ATP2C2: variants seen among roughly 807,000 people sequenced by gnomAD.
ATP2C2 encodes the protein ATPase secretory pathway Ca2+ transporting 2, also known as calcium-transporting ATPase type 2C member 2.
Under a neutral mutation model 110.8 loss-of-function variants are expected in ATP2C2, and 171 were observed. The ratio of observed to expected loss-of-function variants is 1.54; its 90% confidence interval spans 1.36 to 1.75. ATP2C2 has a LOEUF of 1.75. Ranked by LOEUF, ATP2C2 falls within the 40% of genes most tolerant of loss-of-function variation. The pLI is 0.00. For synonymous variants in ATP2C2, 804 were observed against 508.4 expected, an observed-to-expected ratio of 1.58 and a Z score of -7.82; for missense variants, 1,963 against 1,235.0, an observed-to-expected ratio of 1.59 and a Z score of -8.84.
chr16:84,375,424 C>T (rs1271552957), intron 1 of ATP2C2, among the ~76,000 whole-genome samples: 1 of 151,972 alleles, frequency 6.6e-6, no homozygotes. Flanking sequence ...GCCTGTAATC[C>T]CATCTACTTG....
At chr16:84,452,681 T>G (rs1910401783) in intron 18 of ATP2C2, among the ~76,000 whole-genome samples, 1 of 152,034 alleles carries the variant, frequency 6.6e-6, no homozygotes, top group African/African-American at 2.4e-5. Context: ...TGTATTTTAG[T>G]AGAGACGGGG....
chr16:84,459,062 A>T (rs1910976324), intron 21 of ATP2C2, 58 bp from the exon 22 acceptor site: 8 of 1,584,892 alleles, frequency 5.0e-6, no homozygotes, highest in Non-Finnish European at 6.9e-6. Context: ...CAACCGATGC[A>T]CTGGTCCAGC....
At chr16:84,463,540 C>T in intron 26 of ATP2C2, 74 bp from the exon 27 acceptor site, 4 of 1,266,054 alleles carry the variant, frequency 3.2e-6, no homozygotes, top group African/African-American at 2.9e-5. Context: ...GGAGGACTGG[C>T]AGGGAAGGCG....
chr16:84,426,722 C>G (rs1036077044), intron 11 of ATP2C2, among the ~76,000 whole-genome samples: 2 of 152,188 alleles, frequency 1.3e-5, no homozygotes, highest in Non-Finnish European at 2.9e-5. Context: ...TACTGGTTTA[C>G]AACTCTATCC....
At chr16:84,415,326 G>C (rs556039015) in intron 6 of ATP2C2, among the ~76,000 whole-genome samples, 157 bp from the exon 7 acceptor site, 5 of 152,276 alleles carry the variant, frequency 3.3e-5, no homozygotes, top group African/African-American at 1.2e-4. Flanking sequence ...AGTCTTATAG[G>C]ATATGTTAAT....
At chr16:84,375,340 G>A (rs994716096) in intron 1 of ATP2C2, among the ~76,000 whole-genome samples, 2 of 152,102 alleles carry the variant, frequency 1.3e-5, no homozygotes, top group African/African-American at 4.8e-5. Flanking sequence ...TCAGGAGTTC[G>A]AGACCAGCCT....
chr16:84,381,147 G>C (rs1383889941), intron 1 of ATP2C2, among the ~76,000 whole-genome samples: 5 of 152,166 alleles, frequency 3.3e-5, no homozygotes, highest in African/African-American at 1.2e-4. Context: ...TATAGGTTTG[G>C]GGATAGGCGG....
At position 84,405,192 on chromosome 16, in the gene ATP2C2, A is replaced by T. The variant is rs1295140287; in HGVS notation, c.275A>T (p.Asn92Ile). 1 of 1,614,066 alleles carries T rather than the reference A, an allele frequency of 6.2e-7. No individual in the cohort carries two copies. Among genetic ancestry groups the T allele is most frequent in the Non-Finnish European group, 8.5e-7 (1 of 1,179,986 alleles). The change falls in exon 3 of 27, where the codon AAT becomes ATT. Residue 92 changes from asparagine (N) to isoleucine (I), a missense_variant. Coordinates refer to ENST00000262429, the MANE Select transcript of ATP2C2 (RefSeq NM_014861.4). ...VTQRRLAHGW[N>I]EFVADNSEPV... is the part of the protein sequence containing the mutation. The stretch of plus-strand genomic sequence containing the variant: ...CAGCGCCGGCTGGCCCATGGCTGGA[A>T]TGAGTTTGTTGCTGACAACAGCGAA...
chr16:84,441,551 C>T (rs181506743), intron 14 of ATP2C2, among the ~76,000 whole-genome samples: 56 of 152,282 alleles, frequency 3.7e-4, no homozygotes, highest in Admixed American at 2.4e-3. Flanking sequence ...GTTCAGTGAG[C>T]GCCACTTGCA....
At chr16:84,396,566 A>C (rs1280965710) in intron 1 of ATP2C2, among the ~76,000 whole-genome samples, 1 of 147,046 alleles carries the variant, frequency 6.8e-6, no homozygotes, top group South Asian at 2.1e-4. Context: ...AAAAAAAAAA[A>C]AAAAAAGGAA....
At chr16:84,445,629 C>A (rs1344735874) in intron 15 of ATP2C2, among the ~76,000 whole-genome samples, 4 of 152,196 alleles carry the variant, frequency 2.6e-5, no homozygotes, top group Non-Finnish European at 5.9e-5. Flanking sequence ...GTTAGGACTT[C>A]AACATATCTT....
chr16:84,460,504 A>G (rs1911193661), intron 23 of ATP2C2, 150 bp from the exon 24 acceptor site: 1 of 1,040,174 alleles, frequency 9.6e-7, no homozygotes, highest in African/African-American at 1.6e-5. Flanking sequence ...GGTGCCGAGG[A>G]GGGCAGGTGC....
chr16:84,442,712 G>A, intron 15 of ATP2C2, 113 bp downstream of exon 15: 1 of 1,040,384 alleles, frequency 9.6e-7, no homozygotes, highest in South Asian at 1.3e-5. Flanking sequence ...AGGTAATCAT[G>A]GAAGAAAATG....
chr16:84,452,783 G>A (rs1910413224), intron 18 of ATP2C2, among the ~76,000 whole-genome samples: 1 of 152,114 alleles, frequency 6.6e-6, no homozygotes, highest in Non-Finnish European at 1.5e-5. Context: ...ACAGGCATGA[G>A]CCACTGCGCC....
In ATP2C2 at chr16:84,439,452, C is replaced by T. The variant is rs746597904; in HGVS notation, c.1137C>T (p.Asp379=). 1.9e-6 allele frequency: 3 copies of T among 1,614,020 alleles called. No individual in the cohort carries two copies. The highest frequency in any genetic ancestry group is 2.5e-6 in the Non-Finnish European group (3 of 1,180,036). Residue 379 remains aspartate (D), a synonymous_variant, in exon 13 of 27, where the codon GAC becomes GAT. Transcript: ENST00000262429. The part of the protein sequence containing the change: ...TLGCCSVLCS[D]KTGTLTANEM... ...GTTGCTGCAGCGTTCTCTGTTCTGA[C>T]AAGACGGGGACTCTGACTGCCAATG...
intron 10 of ATP2C2, 89 bp downstream of exon 10, chr16:84,423,352 T>G: frequency 8.0e-7 from 1 of 1,243,426 alleles, no homozygotes; most frequent in Non-Finnish European, 1.2e-6. Context: ...CTCAAATATC[T>G]TGCTACTCAG....
chr16:84,453,276 C>G (rs1261073297), intron 19 of ATP2C2, 41 bp downstream of exon 19: 2 of 1,614,098 alleles, frequency 1.2e-6, no homozygotes, highest in South Asian at 1.1e-5. Context: ...GGCTGGGTCA[C>G]AGCTTTGAAA....
intron 15 of ATP2C2, among the ~76,000 whole-genome samples, chr16:84,444,162 C>CAAAAAAAAAAAAAAAAAAAAAAAAAAAA (rs71151217): frequency 9.6e-6 from 1 of 104,572 alleles, no homozygotes; most frequent in African/African-American, 3.9e-5. Context: ...GATCCTGCCT[C>CAAAAAAAAAAAAAAAAAAAAAAAAAAAA]AAAAAAAAAA....
intron 1 of ATP2C2, among the ~76,000 whole-genome samples, chr16:84,370,126 G>T (rs1909865321): frequency 6.9e-6 from 1 of 144,408 alleles, no homozygotes; most frequent in African/African-American, 2.7e-5. Context: ...TTCACAGGAT[G>T]TCCAGGAATG....
Sources: allele counts gnomAD v4.1 joint callset (sites outside exome capture counted in the v4.1 genomes callset), GRCh38; gene constraint gnomAD v4.1.1; transcripts MANE v1.5; gene names NCBI Gene and HGNC (gene_info 2026-07-23, HGNC 2026-07-21).